The following SUGCT variants were observed in gnomAD, a reference collection of about 807,000 sequenced individuals.
SUGCT encodes succinyl-CoA:glutarate CoA-transferase.
In SUGCT, 41 loss-of-function variants were observed where a neutral mutation model predicts 55.0. That is an observed-to-expected ratio of 0.74 (90% CI 0.58 to 0.97). The LOEUF is 0.97. SUGCT is among the 50% of genes least tolerant of loss of function. SUGCT has a pLI of 0.00. For missense variants in SUGCT, 568 were observed against 547.8 expected (o/e 1.04, Z -0.37); for synonymous variants, 187 against 200.4 (o/e 0.93, Z 0.56).
At chr7:40,217,478 C>CT (rs1188464680) in intron 6 of SUGCT, 2 of 442,814 alleles carry the variant, frequency 4.5e-6, no homozygotes, top group Non-Finnish European at 9.1e-6. Flanking sequence ...TCCCAAAGTG[C>CT]TGGGATTACA....
Position 40,189,610 on chromosome 7 carries a change from T to C in SUGCT, c.363+16T>C, listed in dbSNP as rs1287944483. On this transcript the variant is annotated intron_variant, in intron 5 of 13. Transcript: ENST00000335693. ...CATCAAAGAGGTACAGTATGATGTA[T>C]AGAAAGCATCCTACCACCTAGGTTA... 5.1e-6 allele frequency: 7 copies of C among 1,385,530 alleles called. No individual in the cohort carries two copies. The highest frequency in any genetic ancestry group is 2.7e-5 in the East Asian group (1 of 36,382). The allele number at this position is 1,385,530 out of a possible 1,614,324, so 85.8% of individuals were successfully genotyped here. A position where few individuals can be genotyped will look rare whatever the true frequency, so the allele number is the denominator to read the frequency against.
intron 12 of SUGCT, among the ~76,000 whole-genome samples, chr7:40,698,233 G>A (rs1034342440): frequency 2.0e-5 from 3 of 152,242 alleles, no homozygotes; most frequent in Admixed American, 2.0e-4. Flanking sequence ...TCTGCATAAT[G>A]CAGGTGAATG....
intron 13 of SUGCT, among the ~76,000 whole-genome samples, chr7:40,816,751 T>A (rs1236568974): frequency 6.6e-6 from 1 of 152,132 alleles, no homozygotes; most frequent in African/African-American, 2.4e-5. Flanking sequence ...GCTAAAGAGG[T>A]TACTAAGGTT....
intron 1 of SUGCT, among the ~76,000 whole-genome samples, chr7:40,166,726 A>C (rs1232496123): frequency 6.6e-6 from 1 of 152,084 alleles, no homozygotes; most frequent in Non-Finnish European, 1.5e-5. Flanking sequence ...GTCTCCACTA[A>C]AAATACAAAA....
chr7:40,572,771 C>T lies in SUGCT; in HGVS notation c.1089+76385C>T, dbSNP rs546595477. 2.6e-5 allele frequency among the ~76,000 whole-genome samples: 4 copies of T among 152,220 alleles called. No individual in the cohort carries two copies. In the South Asian group the frequency reaches 8.3e-4, roughly 32 times the overall value. ...CTGCTGGCTTTCAATTTCAGGGATG[C>T]TGTGATGAACGAAGAATGAGGGGTG... On this transcript the variant is annotated intron_variant, in intron 12 of 13. Transcript: ENST00000335693.
chr7:40,550,732 C>G (rs1795251517), intron 12 of SUGCT, among the ~76,000 whole-genome samples: 1 of 152,206 alleles, frequency 6.6e-6, no homozygotes, highest in South Asian at 2.1e-4. Context: ...ATTCACTTAG[C>G]AGGTTCTTCC....
intron 12 of SUGCT, among the ~76,000 whole-genome samples, chr7:40,503,892 G>A (rs73689806): frequency 0.051 from 7,793 of 152,218 alleles, 346 homozygotes; most frequent in African/African-American, 0.11. Flanking sequence ...TTATTGCAAT[G>A]AATATGACCG....
At chr7:40,289,725 G>T (rs1793608836) in intron 8 of SUGCT, among the ~76,000 whole-genome samples, 1 of 152,174 alleles carries the variant, frequency 6.6e-6, no homozygotes, top group African/African-American at 2.4e-5. Context: ...GTCCCTGTTT[G>T]CAGATGACAT....
chr7:40,338,133 G>A (rs1380070629), intron 9 of SUGCT, among the ~76,000 whole-genome samples: 1 of 152,044 alleles, frequency 6.6e-6, no homozygotes, highest in Non-Finnish European at 1.5e-5. Context: ...TAGTCTGATG[G>A]GCTTCCCTTT....
At chr7:40,220,719 C>T (rs574996430) in intron 6 of SUGCT, among the ~76,000 whole-genome samples, 9 of 152,304 alleles carry the variant, frequency 5.9e-5, no homozygotes, top group Admixed American at 4.6e-4. Context: ...ATGCCAGCCT[C>T]ACCTTAAGTT....
intron 13 of SUGCT, among the ~76,000 whole-genome samples, chr7:40,848,752 G>T (rs549025879): frequency 6.6e-6 from 1 of 152,158 alleles, no homozygotes; most frequent in East Asian, 1.9e-4. Context: ...GCCTGGTCCC[G>T]TAAGCAGTGC....
At chr7:40,663,646 A>G (rs1466275638) in intron 12 of SUGCT, among the ~76,000 whole-genome samples, 1 of 152,088 alleles carries the variant, frequency 6.6e-6, no homozygotes, top group Non-Finnish European at 1.5e-5. Context: ...ACCTGTTTCT[A>G]GTACTCTGCC....
Position 40,215,692 on chromosome 7 carries a change from C to T in SUGCT, c.484+20632C>T, listed in dbSNP as rs191801950. ...CCTGGCTAACACGGTGAAACCCCGT[C>T]GCTACTAAAAATACAAAAAATTAGC... is the stretch of plus-strand genomic sequence containing the variant. On this transcript the variant is annotated intron_variant, in intron 6 of 13. Transcript: ENST00000335693. Among the ~76,000 whole-genome samples the T allele has an allele frequency of 1.5e-3, 226 of 152,000 alleles. 4 individuals are homozygous for T. Among genetic ancestry groups the T allele is most frequent in the Admixed American group, 0.015 (222 of 15,258 alleles).
intron 12 of SUGCT, among the ~76,000 whole-genome samples, chr7:40,590,439 T>C (rs562954142): frequency 6.6e-6 from 1 of 152,240 alleles, no homozygotes; most frequent in Non-Finnish European, 1.5e-5. Context: ...AACAGCCAAA[T>C]TGTGAATGTA....
the SUGCT span, among the ~76,000 whole-genome samples, chr7:40,950,667 G>A: frequency 6.6e-6 from 1 of 152,116 alleles, no homozygotes; most frequent in African/African-American, 2.4e-5. Context: ...TTAACATGAA[G>A]GGCTGTTGAA....
chr7:40,973,019 G>A, the SUGCT span, among the ~76,000 whole-genome samples: 6 of 152,118 alleles, frequency 3.9e-5, no homozygotes, highest in African/African-American at 4.8e-5. Context: ...CTGCTTTTCC[G>A]GAGATATGTC....
intron 12 of SUGCT, among the ~76,000 whole-genome samples, chr7:40,520,432 AGT>A (rs1793471045): frequency 6.6e-6 from 1 of 152,116 alleles, no homozygotes; most frequent in South Asian, 2.1e-4. Flanking sequence ...TGGTTTATGA[AGT>A]GGTGCAAATA....
intron 7 of SUGCT, among the ~76,000 whole-genome samples, chr7:40,253,331 C>G (rs892557365): frequency 3.9e-5 from 6 of 152,276 alleles, no homozygotes; most frequent in African/African-American, 1.4e-4. Flanking sequence ...GTCCAACCAC[C>G]CTCACAGTGT....
At chr7:40,931,278 G>T in the SUGCT span, among the ~76,000 whole-genome samples, 1 of 152,190 alleles carries the variant, frequency 6.6e-6, no homozygotes, top group Non-Finnish European at 1.5e-5. Flanking sequence ...AAACTGACTT[G>T]ATTGTGGTGG....
Sources: allele counts gnomAD v4.1 joint callset (sites outside exome capture counted in the v4.1 genomes callset), GRCh38; gene constraint gnomAD v4.1.1; transcripts MANE v1.5; gene names NCBI Gene and HGNC (gene_info 2026-07-23, HGNC 2026-07-21).